Variants in MACROD2 observed in about 807,000 individuals in gnomAD.
MACROD2 encodes mono-ADP ribosylhydrolase 2.
Under a neutral mutation model 70.4 loss-of-function variants are expected in MACROD2, and 36 were observed. The observed-to-expected ratio is 0.51, with a 90% CI of 0.39 to 0.68. The LOEUF is 0.68. Among genes scored for constraint, MACROD2 ranks in the 30% least tolerant of loss-of-function variants. The pLI is 0.00. For synonymous variants in MACROD2, 172 were observed against 178.8 expected, an observed-to-expected ratio of 0.96 and a Z score of 0.30; for missense variants, 496 against 538.4, an observed-to-expected ratio of 0.92 and a Z score of 0.78.
At chr20:15,701,226 T>C (rs2050453901) in intron 8 of MACROD2, among the ~76,000 whole-genome samples, 1 of 152,224 alleles carries the variant, frequency 6.6e-6, no homozygotes, top group African/African-American at 2.4e-5. Context: ...ACAGAGACTA[T>C]GGCCTGGAAA....
intron 5 of MACROD2, among the ~76,000 whole-genome samples, chr20:14,806,252 C>T (rs2072637186): frequency 6.6e-6 from 1 of 152,038 alleles, no homozygotes; most frequent in South Asian, 2.1e-4. Flanking sequence ...AACTGAGGTA[C>T]CCGGTTGATC....
At chr20:14,011,513 G>A (rs1453155754) in intron 2 of MACROD2, among the ~76,000 whole-genome samples, 2 of 151,540 alleles carry the variant, frequency 1.3e-5, no homozygotes, top group South Asian at 2.1e-4. Context: ...TGTTCAAGTA[G>A]ATATTCTTTC....
At chr20:14,098,217 T>C (rs1194281365) in intron 3 of MACROD2, among the ~76,000 whole-genome samples, 1 of 152,222 alleles carries the variant, frequency 6.6e-6, no homozygotes, top group Non-Finnish European at 1.5e-5. Context: ...TTTCAAGTCC[T>C]GTACAAAGAT....
intron 5 of MACROD2, among the ~76,000 whole-genome samples, chr20:14,868,067 A>G (rs1233008824): frequency 6.6e-6 from 1 of 152,108 alleles, no homozygotes; most frequent in Non-Finnish European, 1.5e-5. Flanking sequence ...TATTCCTAGA[A>G]ACATATTAGC....
intron 7 of MACROD2, among the ~76,000 whole-genome samples, chr20:15,451,922 G>A (rs1467437816): frequency 6.6e-6 from 1 of 152,106 alleles, no homozygotes; most frequent in African/African-American, 2.4e-5. Flanking sequence ...AGAAAGAGGC[G>A]CTAGATAGTG....
At chr20:14,512,377 A>T (rs1042415549) in intron 4 of MACROD2, among the ~76,000 whole-genome samples, 3 of 152,074 alleles carry the variant, frequency 2.0e-5, no homozygotes, top group African/African-American at 7.2e-5. Context: ...GTGTGCAGCT[A>T]ACAACCAAGG....
rs59135483 is a variant in MACROD2 at position 16,015,402 on chromosome 20, A to G, written c.1154-25799A>G. Among the ~76,000 whole-genome samples the G allele has an allele frequency of 9.6e-3, 1,469 of 152,272 alleles. 35 individuals are homozygous for G. Among genetic ancestry groups the G allele is most frequent in the African/African-American group, 0.034 (1,409 of 41,552 alleles). On this transcript the variant is annotated intron_variant, in intron 15 of 17. Coordinates refer to ENST00000684519, the MANE Select transcript of MACROD2 (RefSeq NM_001351661.2). The stretch of plus-strand genomic sequence containing the variant: ...CCCACCCAATTGTCGTTATTAAACT[A>G]TCTCACCTAGTCCTGATTCAGAGGC...
intron 12 of MACROD2, among the ~76,000 whole-genome samples, chr20:15,965,369 A>G (rs1384612873): frequency 6.6e-6 from 1 of 152,132 alleles, no homozygotes; most frequent in Admixed American, 6.5e-5. Flanking sequence ...ATCTTATGTG[A>G]CTCATTAGAT....
At chr20:14,056,483 C>T (rs1178844235) in intron 2 of MACROD2, among the ~76,000 whole-genome samples, 1 of 151,630 alleles carries the variant, frequency 6.6e-6, no homozygotes, top group African/African-American at 2.4e-5. Flanking sequence ...TTTTATTACT[C>T]TAAATTTGCT....
At chr20:14,456,626 G>C (rs978948481) in intron 3 of MACROD2, among the ~76,000 whole-genome samples, 5 of 149,616 alleles carry the variant, frequency 3.3e-5, no homozygotes, top group Non-Finnish European at 7.4e-5. Context: ...AATGTTAGCT[G>C]TTTTGAATGG....
rs536590221 is a variant in MACROD2 at position 15,614,525 on chromosome 20, T to C, written c.645+114678T>C. Among the ~76,000 whole-genome samples the C allele has an allele frequency of 5.3e-5, 8 of 152,282 alleles. No homozygotes were observed. In the South Asian group the frequency reaches 1.7e-3, roughly 32 times the overall value. ...CCAAGCCACATGTTCAAGGTATCTC[T>C]TCTTCTGATTGTCAACTCAGGTGAG... On this transcript the variant is annotated intron_variant, in intron 8 of 17. Transcript: ENST00000684519.
intron 5 of MACROD2, among the ~76,000 whole-genome samples, chr20:15,152,472 T>C (rs2145862805): frequency 6.6e-6 from 1 of 150,624 alleles, no homozygotes; most frequent in East Asian, 2.0e-4. Context: ...AAATAAGGGA[T>C]TGGGGCACAG....
At chr20:15,931,598 A>G (rs2065577641) in intron 10 of MACROD2, among the ~76,000 whole-genome samples, 1 of 151,922 alleles carries the variant, frequency 6.6e-6, no homozygotes, top group African/African-American at 2.4e-5. Flanking sequence ...AGCTATGAAC[A>G]TGCCACTGCA....
intron 6 of MACROD2, among the ~76,000 whole-genome samples, chr20:15,428,267 A>T (rs2046323925): frequency 6.6e-6 from 1 of 152,232 alleles, no homozygotes; most frequent in African/African-American, 2.4e-5. Context: ...AATTGGAAGG[A>T]CACCAAGATG....
chr20:14,114,032 G>A (rs2054485727), intron 3 of MACROD2, among the ~76,000 whole-genome samples: 2 of 151,986 alleles, frequency 1.3e-5, no homozygotes, highest in South Asian at 2.1e-4. Context: ...TGCTGATCTC[G>A]AACATGTTTT....
At chr20:14,344,224 A>T (rs569240282) in intron 3 of MACROD2, among the ~76,000 whole-genome samples, 1 of 152,338 alleles carries the variant, frequency 6.6e-6, no homozygotes, top group Non-Finnish European at 1.5e-5. Context: ...CAGGAAGCAG[A>T]TTTACTACAA....
At chr20:16,046,843 G>A (rs753015699) in intron 17 of MACROD2, among the ~76,000 whole-genome samples, 19 of 151,754 alleles carry the variant, frequency 1.3e-4, no homozygotes, top group Non-Finnish European at 2.5e-4. Flanking sequence ...ACCACAACTG[G>A]CTAATTTTTT....
intron 4 of MACROD2, among the ~76,000 whole-genome samples, chr20:14,511,264 AAG>A (rs142326522): frequency 0.01 from 1,539 of 152,142 alleles, 32 homozygotes; most frequent in African/African-American, 0.036. Context: ...AAATAACTGA[AAG>A]AGTGTATTTG....
chr20:14,421,557 A>G (rs2083876259), intron 3 of MACROD2, among the ~76,000 whole-genome samples: 1 of 152,162 alleles, frequency 6.6e-6, no homozygotes, highest in Admixed American at 6.5e-5. Flanking sequence ...TGTAAAACCA[A>G]CAGCACTTGC....
Sources: allele counts gnomAD v4.1 joint callset (sites outside exome capture counted in the v4.1 genomes callset), GRCh38; gene constraint gnomAD v4.1.1; transcripts MANE v1.5; gene names NCBI Gene and HGNC (gene_info 2026-07-23, HGNC 2026-07-21).